Variants in GABRB1 observed in about 807,000 individuals in gnomAD.
GABRB1 encodes gamma-aminobutyric acid receptor subunit beta-1.
A neutral mutation model predicts 51.6 loss-of-function variants in GABRB1; 17 were observed. The ratio of observed to expected loss-of-function variants is 0.33; its 90% confidence interval spans 0.23 to 0.49. The LOEUF (loss-of-function observed/expected upper bound fraction) is 0.49, where lower values mean the gene tolerates loss of function less well. Ranked by LOEUF, GABRB1 falls within the 20% of genes least tolerant of loss-of-function variation. The pLI, the probability that GABRB1 is intolerant of heterozygous loss-of-function variation, is 0.99. For missense variants in GABRB1, 410 were observed against 600.6 expected (o/e 0.68, Z 3.32); for synonymous variants, 247 against 218.9 (o/e 1.13, Z -1.14).
At chr4:47,130,243 C>T (rs1716348779) in intron 3 of GABRB1, among the ~76,000 whole-genome samples, 1 of 151,926 alleles carries the variant, frequency 6.6e-6, no homozygotes, top group Non-Finnish European at 1.5e-5. Flanking sequence ...AAGATTTAAG[C>T]AGTCTTGATT....
chr4:47,184,515 T>G (rs1719088331), intron 4 of GABRB1, among the ~76,000 whole-genome samples: 2 of 151,920 alleles, frequency 1.3e-5, no homozygotes, highest in Admixed American at 1.3e-4. Context: ...TGCACTCAAG[T>G]GATAGCACTT....
chr4:47,029,618 C>T (rs1009075381), upstream of GABRB1, among the ~76,000 whole-genome samples: 23 of 151,788 alleles, frequency 1.5e-4, no homozygotes, highest in Non-Finnish European at 3.4e-4. Flanking sequence ...TTAGATCTTT[C>T]CTTTTATCAC....
rs1025187328 is a variant in GABRB1, at chr4:47,403,539, T to C, written c.683-20T>C. On this transcript the variant is annotated intron_variant, in intron 6 of 8. Coordinates refer to ENST00000295454, the MANE Select transcript of GABRB1 (RefSeq NM_000812.4). ...AACCAAATAATGGTCTGATTACTTG[T>C]CTTTTGTTTCTCAACTCAGGAGCGT... The C allele has an allele frequency of 1.4e-5, 22 of 1,613,654 alleles. No individual in the cohort carries two copies. The highest frequency in any genetic ancestry group is 1.8e-5 in the Non-Finnish European group (21 of 1,179,828).
chr4:47,392,427 C>G (rs1428638665), intron 5 of GABRB1, among the ~76,000 whole-genome samples: 1 of 150,852 alleles, frequency 6.6e-6, no homozygotes, highest in Non-Finnish European at 1.5e-5. Flanking sequence ...ACTGCAACCT[C>G]TGCCTCCCAG....
chr4:47,319,980 A>T, intron 4 of GABRB1, 147 bp from the exon 5 acceptor site: 1 of 669,958 alleles, frequency 1.5e-6, no homozygotes, highest in Non-Finnish European at 2.7e-6. Flanking sequence ...GTTGACGTAT[A>T]ATTATTCATA....
At chr4:47,227,281 T>C (rs1039427502) in intron 4 of GABRB1, among the ~76,000 whole-genome samples, 1 of 152,190 alleles carries the variant, frequency 6.6e-6, no homozygotes, top group Non-Finnish European at 1.5e-5. Flanking sequence ...ATAACTCATA[T>C]GTGTAAAATC....
At chr4:47,343,272 T>G (rs555317098) in intron 5 of GABRB1, among the ~76,000 whole-genome samples, 2 of 152,192 alleles carry the variant, frequency 1.3e-5, no homozygotes, top group African/African-American at 4.8e-5. Context: ...AGTGAGGAAT[T>G]TTTAAACGAG....
Position 47,417,576 on chromosome 4 carries a change from G to C in GABRB1, c.1081-8098G>C, listed in dbSNP as rs60608140. On this transcript the variant is annotated intron_variant, in intron 8 of 8. Transcript: ENST00000295454. The stretch of plus-strand genomic sequence containing the variant: ...CTATGAGAGAAATGGGAAGATGAAG[G>C]CTGGGCTGTTGCAACTGTGTGTTCT... Among the ~76,000 whole-genome samples the C allele has an allele frequency of 8.4e-3, 1,272 of 152,262 alleles. 27 individuals carry two copies. Among genetic ancestry groups the C allele is most frequent in the African/African-American group, 0.029 (1,202 of 41,548 alleles).
At chr4:47,023,616 A>G (rs752968962) in intron 1 of GABRB1, among the ~76,000 whole-genome samples, 3 of 152,070 alleles carry the variant, frequency 2.0e-5, no homozygotes, top group Admixed American at 6.6e-5. Flanking sequence ...AGAAGAAAAA[A>G]TAACTGCAGC....
chr4:47,362,758 G>A (rs753479686), intron 5 of GABRB1, among the ~76,000 whole-genome samples: 2 of 152,098 alleles, frequency 1.3e-5, no homozygotes, highest in Non-Finnish European at 2.9e-5. Context: ...GTCCTCAGGC[G>A]TCAACTGTTC....
chr4:47,339,014 C>A (rs1171815687), intron 5 of GABRB1, among the ~76,000 whole-genome samples: 2 of 152,122 alleles, frequency 1.3e-5, no homozygotes, highest in African/African-American at 4.8e-5. Flanking sequence ...AATTCAGATA[C>A]CCATAAATCT....
chr4:47,347,173 T>C (rs996523810), intron 5 of GABRB1, among the ~76,000 whole-genome samples: 1 of 151,940 alleles, frequency 6.6e-6, no homozygotes, highest in African/African-American at 2.4e-5. Flanking sequence ...TCCCAGCTAC[T>C]TGGGAACCTG....
At chr4:47,014,583 G>A (rs1385117234) in intron 1 of GABRB1, among the ~76,000 whole-genome samples, 3 of 152,080 alleles carry the variant, frequency 2.0e-5, no homozygotes, top group African/African-American at 7.2e-5. Flanking sequence ...GACATCAACT[G>A]GGTGTCCTAC....
intron 5 of GABRB1, among the ~76,000 whole-genome samples, chr4:47,368,170 C>A (rs1727054340): frequency 6.6e-6 from 1 of 152,162 alleles, no homozygotes; most frequent in African/African-American, 2.4e-5. Context: ...TAATTGGAAT[C>A]TCCACCCCTG....
intron 4 of GABRB1, among the ~76,000 whole-genome samples, chr4:47,316,193 A>G (rs1431119585): frequency 1.3e-5 from 2 of 151,860 alleles, no homozygotes; most frequent in Non-Finnish European, 3.0e-5. Flanking sequence ...ATTTAAATGT[A>G]TAGTTTGGTG....
chr4:47,191,898 A>G (rs534796396), intron 4 of GABRB1, among the ~76,000 whole-genome samples: 2 of 152,142 alleles, frequency 1.3e-5, no homozygotes, highest in Non-Finnish European at 2.9e-5. Flanking sequence ...CCAAACAAAC[A>G]ATGCAAAATT....
chr4:47,178,973 T>A, intron 4 of GABRB1, among the ~76,000 whole-genome samples: 1 of 152,166 alleles, frequency 6.6e-6, no homozygotes, highest in Non-Finnish European at 1.5e-5. Flanking sequence ...GGCCATACTT[T>A]TTTTATACAT....
intron 4 of GABRB1, among the ~76,000 whole-genome samples, chr4:47,182,742 G>A (rs1394104258): frequency 3.9e-5 from 6 of 151,918 alleles, no homozygotes; most frequent in Non-Finnish European, 8.8e-5. Context: ...AAGGTAATAA[G>A]TTGCTTTAAT....
At chr4:47,400,576 TTCTC>T (rs1022244231) in intron 5 of GABRB1, among the ~76,000 whole-genome samples, 8 of 141,232 alleles carry the variant, frequency 5.7e-5, no homozygotes, top group Middle Eastern at 3.8e-3. Flanking sequence ...CTGCCTTTTC[TTCTC>T]TCTCTTTTTT....
Sources: gnomAD v4.1 joint callset for allele counts (sites outside exome capture counted in the v4.1 genomes callset) on GRCh38, gnomAD v4.1.1 for gene constraint, MANE v1.5 for transcripts, NCBI Gene and HGNC (gene_info 2026-07-23, HGNC 2026-07-21) for gene names.